SLC5A4: variants seen among roughly 807,000 people sequenced by gnomAD.
SLC5A4 encodes solute carrier family 5 member 4.
In SLC5A4, 55 loss-of-function variants were observed where a neutral mutation model predicts 70.3. The observed-to-expected ratio is 0.78, with a 90% CI of 0.63 to 0.98. The LOEUF is 0.98. Among genes scored for constraint, SLC5A4 ranks in the 50% least tolerant of loss-of-function variants. The pLI is 0.00. For synonymous variants in SLC5A4, 268 were observed against 305.7 expected, an observed-to-expected ratio of 0.88 and a Z score of 1.29; for missense variants, 735 against 839.2, an observed-to-expected ratio of 0.88 and a Z score of 1.53.
At chr22:32,290,818 G>A in the SLC5A4 span, among the ~76,000 whole-genome samples, 1 of 152,088 alleles carries the variant, frequency 6.6e-6, no homozygotes, top group African/African-American at 2.4e-5. Flanking sequence ...GTCCCCTCCA[G>A]CCCTTTTATA....
At chr22:32,272,288 T>C in the SLC5A4 span, 1 of 809,472 alleles carries the variant, frequency 1.2e-6, no homozygotes, top group Admixed American at 1.8e-5. Context: ...TCAGAGTCCT[T>C]TACGAGAAGG....
At chr22:32,241,249 C>A (rs1435186977) in intron 5 of SLC5A4, among the ~76,000 whole-genome samples, 1 of 152,214 alleles carries the variant, frequency 6.6e-6, no homozygotes, top group Non-Finnish European at 1.5e-5. Flanking sequence ...CTTTAATAAC[C>A]AGTGGGCAAC....
At position 32,230,992 on chromosome 22, in the gene SLC5A4, T is replaced by C. The variant is rs1351667293; in HGVS notation, c.1105A>G (p.Met369Val). Residue 369 changes from methionine to valine, a missense_variant, in exon 10 of 15, where the codon ATG becomes GTG. Transcript: ENST00000266086. ...VGCTNYAYPT[M>V]VLELMPQGLR... ...CCTTGGGGCATCAGTTCCAGCACCA[T>C]CGTGGGGTATGCGTAGTTGGTGCAG... 1 of 1,613,562 alleles carries C rather than the reference T, an allele frequency of 6.2e-7. No homozygotes were observed. Among genetic ancestry groups the C allele is most frequent in the South Asian group, 1.1e-5 (1 of 91,060 alleles).
chr22:32,283,591 C>T, the SLC5A4 span, among the ~76,000 whole-genome samples: 1 of 152,174 alleles, frequency 6.6e-6, no homozygotes, highest in African/African-American at 2.4e-5. Flanking sequence ...CCCCTGAACA[C>T]AGTCTTGGAG....
At position 32,234,906 on chromosome 22, in the gene SLC5A4, G is replaced by A; in HGVS notation, c.852C>T (p.Pro284=). Residue 284 remains proline (P), a synonymous_variant, in exon 8 of 15, where the codon CCC becomes CCT. Transcript: ENST00000266086. ...IPWPGIIFGM[P]ITALWYWCTN... ...TGCACCAGTACCACAAAGCTGTAAT[G>A]GGCATTCCAAATATAATTCCTGGCC... is the stretch of plus-strand genomic sequence containing the variant. 6.2e-7 allele frequency: 1 copy of A among 1,612,440 alleles called. No individual in the cohort carries two copies. The highest frequency in any genetic ancestry group is 8.5e-7 in the Non-Finnish European group (1 of 1,179,884).
the SLC5A4 span, among the ~76,000 whole-genome samples, chr22:32,298,795 G>T: frequency 8.6e-6 from 1 of 116,250 alleles, no homozygotes; most frequent in East Asian, 2.4e-4. Flanking sequence ...GCTGGTACTG[G>T]TTGTTCCTTT....
chr22:32,270,847 C>T, the SLC5A4 span: 1 of 556,632 alleles, frequency 1.8e-6, no homozygotes, highest in East Asian at 3.9e-5. Context: ...GCCACGACCA[C>T]CTGGTGCTGC....
chr22:32,326,756 G>C, the SLC5A4 span, among the ~76,000 whole-genome samples: 1 of 152,210 alleles, frequency 6.6e-6, no homozygotes, highest in Admixed American at 6.5e-5. Flanking sequence ...TTTTGGGAGA[G>C]GGAGATGAGG....
At chr22:32,332,352 C>T in the SLC5A4 span, among the ~76,000 whole-genome samples, 5 of 152,250 alleles carry the variant, frequency 3.3e-5, no homozygotes, top group East Asian at 1.9e-4. Flanking sequence ...GATGGATGTG[C>T]GGCTGTCTCT....
chr22:32,272,065 C>A, the SLC5A4 span: 1 of 645,160 alleles, frequency 1.5e-6, no homozygotes, highest in South Asian at 1.8e-5. Context: ...ATTCCCAATG[C>A]CAGGATTGAG....
At chr22:32,351,622 A>G in the SLC5A4 span, among the ~76,000 whole-genome samples, 1 of 147,772 alleles carries the variant, frequency 6.8e-6, no homozygotes, top group Admixed American at 6.7e-5. Context: ...GAATTGCTTG[A>G]ACCTGGGAGA....
the SLC5A4 span, among the ~76,000 whole-genome samples, chr22:32,302,861 A>C: frequency 6.6e-6 from 1 of 152,248 alleles, no homozygotes; most frequent in Non-Finnish European, 1.5e-5. Context: ...CTTCAAAAAA[A>C]TCTTCCTGGG....
At chr22:32,322,139 T>C in the SLC5A4 span, among the ~76,000 whole-genome samples, 2 of 152,066 alleles carry the variant, frequency 1.3e-5, no homozygotes, top group East Asian at 1.9e-4. Context: ...ATTCTAGACC[T>C]AAGGGTTGGA....
Position 32,221,016 on chromosome 22 carries a change from G to A in SLC5A4, c.1672C>T (p.Arg558Cys), listed in dbSNP as rs202003377. Residue 558 changes from arginine to cysteine, a missense_variant, in exon 14 of 15, where the codon CGC (arginine) becomes TGC (cysteine). Transcript: ENST00000266086. The part of the protein sequence containing the change: ...TKPIPDVHLY[R>C]LCWVLRNSTE... The stretch of plus-strand genomic sequence containing the variant: ...CTGTTCCGAAGAACCCAGCACAGGC[G>A]GTACAGCTGAACAGGGACCATACAA... 51 of 1,610,956 alleles carry A rather than the reference G, an allele frequency of 3.2e-5. No individual in the cohort carries two copies. The highest frequency in any genetic ancestry group is 1.7e-4 in the Admixed American group (10 of 59,992).
At chr22:32,292,715 A>G in the SLC5A4 span, among the ~76,000 whole-genome samples, 1 of 152,118 alleles carries the variant, frequency 6.6e-6, no homozygotes, top group Non-Finnish European at 1.5e-5. Flanking sequence ...ACTTTTTGTA[A>G]AAGTTCTGTG....
the SLC5A4 span, among the ~76,000 whole-genome samples, chr22:32,317,188 CA>C: frequency 3.3e-5 from 5 of 151,476 alleles, no homozygotes. Flanking sequence ...TTACAGACAG[CA>C]AAAAATAAAA....
chr22:32,353,819 G>C, the SLC5A4 span, among the ~76,000 whole-genome samples: 1 of 150,868 alleles, frequency 6.6e-6, no homozygotes, highest in South Asian at 2.1e-4. Context: ...GCCACGAATA[G>C]TGCCCCCAAC....
At chr22:32,224,584 C>A in intron 12 of SLC5A4, 102 bp from the exon 13 acceptor site, 1 of 897,568 alleles carries the variant, frequency 1.1e-6, no homozygotes, top group Non-Finnish European at 1.7e-6. Context: ...AGTTAAGGAC[C>A]AACAAATGGC....
At chr22:32,262,892 C>T in the SLC5A4 span, among the ~76,000 whole-genome samples, 1 of 151,752 alleles carries the variant, frequency 6.6e-6, no homozygotes, top group African/African-American at 2.4e-5. Flanking sequence ...GCCTCAGCCT[C>T]GCGAGTAGCT....
Sources: allele counts gnomAD v4.1 joint callset (sites outside exome capture counted in the v4.1 genomes callset), GRCh38; gene constraint gnomAD v4.1.1; transcripts MANE v1.5; gene names NCBI Gene and HGNC (gene_info 2026-07-23, HGNC 2026-07-21).